CFAP20DC: variants seen among roughly 807,000 people sequenced by gnomAD.
CFAP20DC encodes the protein protein CFAP20DC.
A neutral mutation model predicts 101.7 loss-of-function variants in CFAP20DC; 84 were observed. That is an observed-to-expected ratio of 0.83 (90% CI 0.69 to 0.99). The LOEUF (loss-of-function observed/expected upper bound fraction) is 0.99. Ranked by LOEUF, CFAP20DC falls within the 50% of genes least tolerant of loss-of-function variation. The pLI, the probability that CFAP20DC is intolerant of heterozygous loss-of-function variation, is 0.00. For synonymous variants in CFAP20DC, 359 were observed against 351.2 expected (o/e 1.02, Z -0.25); for missense variants, 1,007 against 970.3 (o/e 1.04, Z -0.50).
chr3:58,780,734 T>C (rs1049639589), intron 15 of CFAP20DC, among the ~76,000 whole-genome samples: 16 of 151,784 alleles, frequency 1.1e-4, no homozygotes, highest in Admixed American at 3.9e-4. Context: ...CTAGAAGATA[T>C]AACTATCTAA....
chr3:58,834,252 A>T (rs2076588472), intron 13 of CFAP20DC, among the ~76,000 whole-genome samples: 2 of 152,188 alleles, frequency 1.3e-5, no homozygotes, highest in Admixed American at 6.5e-5. Context: ...GCACATGAGA[A>T]TACCAGCTGC....
chr3:58,934,437 C>T (rs1442833474), intron 5 of CFAP20DC, among the ~76,000 whole-genome samples: 2 of 152,142 alleles, frequency 1.3e-5, no homozygotes, highest in East Asian at 3.8e-4. Flanking sequence ...CCAGCATCAT[C>T]CTGATACCAA....
chr3:58,862,185 G>A (rs1403795440), intron 12 of CFAP20DC: 2 of 975,146 alleles, frequency 2.1e-6, no homozygotes, highest in East Asian at 1.1e-4. Flanking sequence ...CACTATTAGA[G>A]TAATGCTTTT....
At chr3:58,774,801 G>A (rs2071172146) in intron 15 of CFAP20DC, among the ~76,000 whole-genome samples, 1 of 152,130 alleles carries the variant, frequency 6.6e-6, no homozygotes, top group Admixed American at 6.5e-5. Flanking sequence ...GTTTATTAAT[G>A]GTGTGTTTCT....
At chr3:58,802,556 G>A (rs1413521247) in intron 15 of CFAP20DC, among the ~76,000 whole-genome samples, 4 of 152,212 alleles carry the variant, frequency 2.6e-5, no homozygotes, top group African/African-American at 4.8e-5. Flanking sequence ...ACCACCCCAT[G>A]CCTAACAGCG....
In CFAP20DC at chr3:58,717,649, G is replaced by GA; in HGVS notation, c.198-22dup. On this transcript the variant is annotated intron_variant, in intron 3 of 3. Coordinates refer to the CFAP20DC transcript ENST00000486145. The surrounding 1 kb of genome is among the most constrained non-coding windows in gnomAD (Gnocchi z 4.1). ...TTCTTCTGCATTTCAGGTAGGAGAAGAGAGAAGAAAAAAAAAAAAGAAAAA... is the reference window on the plus strand; with the variant it reads ...TTCTTCTGCATTTCAGGTAGGAGAAGAAGAGAAGAAAAAAAAAAAAGAAAAA... 1 of 429,192 alleles carries GA rather than the reference G, an allele frequency of 2.3e-6. No homozygotes were observed. The highest frequency in any genetic ancestry group is 1.7e-5 in the South Asian group (1 of 58,884). 26.6% of individuals were successfully genotyped at this position (429,192 alleles called of 1,614,324 possible).
intron 4 of CFAP20DC, among the ~76,000 whole-genome samples, chr3:58,991,528 T>C (rs2092936767): frequency 6.6e-6 from 1 of 152,188 alleles, no homozygotes; most frequent in Non-Finnish European, 1.5e-5. Context: ...GTTCCCAACC[T>C]TTTTGGCACC....
intron 5 of CFAP20DC, among the ~76,000 whole-genome samples, chr3:58,918,392 AT>A (rs981460190): frequency 6.6e-6 from 1 of 152,138 alleles, no homozygotes; most frequent in Non-Finnish European, 1.5e-5. Context: ...CTACAGATGC[AT>A]CCACACCATC....
In CFAP20DC at chr3:58,743,573, T is replaced by C. The variant is rs114817927; in HGVS notation, c.2333-1001A>G. On this transcript the variant is annotated intron_variant, in intron 16 of 16. Transcript: ENST00000482387. The stretch of plus-strand genomic sequence containing the variant: ...AACCCAACCCTGAAGCTTTGGGCTA[T>C]GTGCTCACCAGGGTGAGCTTCAGAA... Among the ~76,000 whole-genome samples, 696 of 152,314 alleles carry C rather than the reference T, an allele frequency of 4.6e-3. 3 individuals carry two copies. The highest frequency in any genetic ancestry group is 5.7e-3 in the Admixed American group (87 of 15,308).
intron 14 of CFAP20DC, among the ~76,000 whole-genome samples, chr3:58,819,339 C>G (rs182323031): frequency 6.6e-6 from 1 of 151,982 alleles, no homozygotes; most frequent in Non-Finnish European, 1.5e-5. Flanking sequence ...TTCAAAAAAT[C>G]AATGAATCCA....
At position 58,742,460 on chromosome 3, in the gene CFAP20DC, T is replaced by C. The variant is rs372902908; in HGVS notation, c.2445A>G (p.Ter815=). The C allele has an allele frequency of 6.3e-7, 1 of 1,598,138 alleles. No individual in the cohort carries two copies. The highest frequency in any genetic ancestry group is 1.3e-5 in the African/African-American group (1 of 74,296). The part of the protein sequence containing the change: ...PQTGKYYELV[*] The stretch of plus-strand genomic sequence containing the variant: ...CTGCTCTCTGCCCCGGAAGGAGGCA[T>C]TATACCAACTCATAGTATTTCCCTG... Residue 815 remains the stop codon, a stop_retained_variant, in exon 17 of 17, where the codon TAA becomes TAG. Transcript: ENST00000482387.
Position 58,874,343 on chromosome 3 carries a change from GC to G in CFAP20DC, c.716-4035del, listed in dbSNP as rs2080551527. Among the ~76,000 whole-genome samples, 1 of 152,120 alleles carries G rather than the reference GC, an allele frequency of 6.6e-6. No homozygotes were observed. Among genetic ancestry groups the G allele is most frequent in the Non-Finnish European group, 1.5e-5 (1 of 68,030 alleles). ...TTACTGTGTGACTTACTGTGTCCAC[GC>G]TGGTGCCCCATGCCATCCCTCCTCC... On this transcript the variant is annotated intron_variant, in intron 7 of 16. Transcript: ENST00000482387. This position sits in a 1 kb window ranked among gnomAD's most constrained non-coding sequence, Gnocchi z 5.1.
At chr3:58,995,453 G>T (rs2093087278) in intron 4 of CFAP20DC, among the ~76,000 whole-genome samples, 1 of 151,394 alleles carries the variant, frequency 6.6e-6, no homozygotes, top group African/African-American at 2.4e-5. Flanking sequence ...TCCAAAAGTA[G>T]TCTAAGTAAT....
chr3:58,725,388 G>A (rs1170871200), intron 3 of CFAP20DC, among the ~76,000 whole-genome samples: 1 of 152,106 alleles, frequency 6.6e-6, no homozygotes, highest in Non-Finnish European at 1.5e-5. Context: ...CTATGGTTTG[G>A]TTTTTCCCAG....
intron 4 of CFAP20DC, among the ~76,000 whole-genome samples, chr3:58,986,214 G>T (rs925169515): frequency 3.3e-5 from 5 of 152,168 alleles, no homozygotes; most frequent in African/African-American, 1.2e-4. Context: ...GAATAAAGAG[G>T]AAATAAAAGC....
chr3:59,040,215 A>ACAAAAGG (rs1401706338), intron 3 of CFAP20DC, among the ~76,000 whole-genome samples: 7 of 152,078 alleles, frequency 4.6e-5, no homozygotes, highest in Admixed American at 2.0e-4. Flanking sequence ...TATTTAATTA[A>ACAAAAGG]TTTAATGTTC....
intron 12 of CFAP20DC, among the ~76,000 whole-genome samples, chr3:58,856,612 G>T (rs1445288823): frequency 6.6e-6 from 1 of 152,162 alleles, no homozygotes; most frequent in Non-Finnish European, 1.5e-5. Flanking sequence ...TCGAAAGACT[G>T]TCAGAGCTAT....
rs764516252 is a variant in CFAP20DC, at chr3:58,722,932, T to C, written c.198-5304A>G. Among the ~76,000 whole-genome samples, 20 of 152,242 alleles carry C rather than the reference T, an allele frequency of 1.3e-4. No homozygotes were observed. The highest frequency in any genetic ancestry group is 2.5e-4 in the Non-Finnish European group (17 of 68,046). ...CTTTACCTTGTCAATTTTGGTAACATGCAGCTGCCACATTCATGAGCACAT... is the reference window on the plus strand; with the variant it reads ...CTTTACCTTGTCAATTTTGGTAACACGCAGCTGCCACATTCATGAGCACAT... On this transcript the variant is annotated intron_variant, in intron 3 of 3. Transcript: ENST00000486145. This position sits in a 1 kb window ranked among gnomAD's most constrained non-coding sequence, Gnocchi z 4.5.
At chr3:58,911,897 A>C (rs1176581471) in intron 6 of CFAP20DC, among the ~76,000 whole-genome samples, 1 of 152,018 alleles carries the variant, frequency 6.6e-6, no homozygotes, top group Non-Finnish European at 1.5e-5. Context: ...AATTTTGGCC[A>C]ATCTCCCTGT....
Sources: allele counts gnomAD v4.1 joint callset (sites outside exome capture counted in the v4.1 genomes callset), GRCh38; gene constraint gnomAD v4.1.1; non-coding constraint Gnocchi (gnomAD v3.1); transcripts MANE v1.5; gene names NCBI Gene and HGNC (gene_info 2026-07-23, HGNC 2026-07-21).